The following NR6A1 variants were observed in gnomAD, a reference collection of about 807,000 sequenced individuals.
NR6A1 encodes the protein nuclear receptor subfamily 6 group A member 1, also known as retinoic acid receptor-related testis-associated receptor.
Under a neutral mutation model 59.1 loss-of-function variants are expected in NR6A1, and 7 were observed. The observed-to-expected ratio is 0.12, with a 90% CI of 0.07 to 0.22. The LOEUF is 0.22. Ranked by LOEUF, NR6A1 falls within the 10% of genes least tolerant of loss-of-function variation. The pLI is 1.00. For missense variants in NR6A1, 468 were observed against 611.6 expected, an observed-to-expected ratio of 0.77 and a Z score of 2.48; for synonymous variants, 243 against 236.1, an observed-to-expected ratio of 1.03 and a Z score of -0.27.
chr9:124,551,720 C>T (rs902323322), intron 3 of NR6A1, among the ~76,000 whole-genome samples: 1 of 152,176 alleles, frequency 6.6e-6, no homozygotes, highest in Non-Finnish European at 1.5e-5. Flanking sequence ...TGCCCTTTAA[C>T]CCCCAAAACA....
In NR6A1 at chr9:124,569,773, AT is replaced by A. The variant is rs1348121962; in HGVS notation, c.143-15204del. Among the ~76,000 whole-genome samples, 5 of 152,360 alleles carry A rather than the reference AT, an allele frequency of 3.3e-5. No homozygotes were observed. In the East Asian group the frequency reaches 5.8e-4, roughly 18 times the overall value. ...GAATTTAAACACAAATAATAAAAAA[AT>A]CATCGCACTGTTCCTCTATTTACAT... On this transcript the variant is annotated intron_variant, in intron 2 of 9. Transcript: ENST00000487099.
intron 2 of NR6A1, chr9:124,693,629 C>A: frequency 2.0e-6 from 1 of 491,644 alleles, no homozygotes; most frequent in Non-Finnish European, 4.2e-6. Flanking sequence ...GCCAGACACA[C>A]AGACTTCAAA....
At chr9:124,710,151 C>T (rs1839234117) in intron 2 of NR6A1, among the ~76,000 whole-genome samples, 1 of 151,898 alleles carries the variant, frequency 6.6e-6, no homozygotes, top group Middle Eastern at 3.2e-3. Context: ...AACTGAGGGG[C>T]CAAATGATCA....
rs1227523445 is a variant in NR6A1 at position 124,522,701 on chromosome 9, C to G, written c.*4G>C. ...GTTGGCCTGAGGAGGGCGCCTGGAA[C>G]AGGTCATTCCTTGCCCACACTGGTC... On this transcript the variant is annotated 3_prime_UTR_variant, in exon 10 of 10. Coordinates refer to ENST00000487099, the MANE Select transcript of NR6A1 (RefSeq NM_033334.4). 3 of 1,569,520 alleles carry G rather than the reference C, an allele frequency of 1.9e-6. No homozygotes were observed. Among genetic ancestry groups the G allele is most frequent in the Non-Finnish European group, 2.6e-6 (3 of 1,157,742 alleles).
intron 3 of NR6A1, among the ~76,000 whole-genome samples, chr9:124,544,365 G>A (rs568504566): frequency 6.4e-4 from 97 of 152,242 alleles, no homozygotes; most frequent in Non-Finnish European, 1.0e-3. Context: ...TGTAGTCGAA[G>A]GAACTTACCT....
intron 2 of NR6A1, among the ~76,000 whole-genome samples, chr9:124,559,153 T>G (rs954775108): frequency 3.3e-5 from 5 of 152,178 alleles, no homozygotes; most frequent in African/African-American, 1.2e-4. Context: ...ATATTATTCC[T>G]ATATTACTGA....
intron 2 of NR6A1, among the ~76,000 whole-genome samples, chr9:124,665,128 G>A (rs1000558564): frequency 1.3e-5 from 2 of 150,874 alleles, no homozygotes; most frequent in Admixed American, 6.6e-5. Flanking sequence ...TGAGGCTGCA[G>A]GGAGCCATGT....
At chr9:124,556,446 G>T (rs1736534425) in intron 2 of NR6A1, among the ~76,000 whole-genome samples, 1 of 151,428 alleles carries the variant, frequency 6.6e-6, no homozygotes, top group African/African-American at 2.4e-5. Flanking sequence ...TTTCATTTCA[G>T]CCCAGGGATA....
At chr9:124,704,744 T>C (rs1839072947) in intron 2 of NR6A1, among the ~76,000 whole-genome samples, 1 of 152,090 alleles carries the variant, frequency 6.6e-6, no homozygotes, top group Non-Finnish European at 1.5e-5. Context: ...AAAAAATTTT[T>C]GTGTGTGGGG....
chr9:124,745,423 G>A (rs561417795), intron 1 of NR6A1, among the ~76,000 whole-genome samples: 1 of 152,326 alleles, frequency 6.6e-6, no homozygotes, highest in Non-Finnish European at 1.5e-5. Context: ...TGTAATCCCA[G>A]CACTTTGGGA....
chr9:124,624,183 C>A (rs1836167755), intron 2 of NR6A1, among the ~76,000 whole-genome samples: 1 of 152,184 alleles, frequency 6.6e-6, no homozygotes, highest in South Asian at 2.1e-4. Flanking sequence ...TGGTGACTCA[C>A]AGGGGCAAGA....
intron 3 of NR6A1, among the ~76,000 whole-genome samples, chr9:124,549,733 GC>G (rs1182127274): frequency 2.0e-5 from 3 of 152,104 alleles, no homozygotes; most frequent in Non-Finnish European, 2.9e-5. Context: ...TACAAGAGTT[GC>G]AAAAATAGTA....
At chr9:124,690,190 C>G (rs879918445) in intron 2 of NR6A1, among the ~76,000 whole-genome samples, 1 of 152,182 alleles carries the variant, frequency 6.6e-6, no homozygotes, top group Non-Finnish European at 1.5e-5. Flanking sequence ...GACGATGACT[C>G]CTCTTCTATT....
chr9:124,556,753 G>C (rs926345279), intron 2 of NR6A1, among the ~76,000 whole-genome samples: 8 of 152,060 alleles, frequency 5.3e-5, no homozygotes, highest in Non-Finnish European at 1.2e-4. Flanking sequence ...GAGCCACCAC[G>C]CCCGACCTGA....
chr9:124,574,622 T>C (rs1461971101), intron 2 of NR6A1, among the ~76,000 whole-genome samples: 4 of 152,210 alleles, frequency 2.6e-5, no homozygotes, highest in African/African-American at 7.2e-5. Context: ...CACCAAGAGT[T>C]TGACAACCTT....
In NR6A1 at chr9:124,520,234, C is replaced by T. The variant is rs1165864682; in HGVS notation, c.*2471G>A. 1.3e-5 allele frequency: 2 copies of T among 152,118 alleles called. No homozygotes were observed. Among genetic ancestry groups the T allele is most frequent in the African/African-American group, 2.4e-5 (1 of 41,408 alleles). The allele number at this position is 152,118 out of a possible 1,614,324, so 9.4% of individuals were successfully genotyped here. On this transcript the variant is annotated 3_prime_UTR_variant, in exon 10 of 10. Transcript: ENST00000487099. Reference sequence around the variant, plus strand: ...TTGCAATGCAACACATTCACTTTACCCTGTTTAAAAAAAGCCCACGTCATA... The same window carrying T: ...TTGCAATGCAACACATTCACTTTACTCTGTTTAAAAAAAGCCCACGTCATA...
intron 2 of NR6A1, among the ~76,000 whole-genome samples, chr9:124,556,704 G>A (rs1216580685): frequency 2.0e-5 from 3 of 152,028 alleles, no homozygotes; most frequent in Non-Finnish European, 2.9e-5. Context: ...CAAGTGATCT[G>A]CACACCTTGG....
chr9:124,752,250 C>T (rs1201319840), intron 1 of NR6A1, among the ~76,000 whole-genome samples: 2 of 152,056 alleles, frequency 1.3e-5, no homozygotes, highest in Non-Finnish European at 2.9e-5. Flanking sequence ...GCCTGGGCAA[C>T]AGAGCAAGAC....
chr9:124,680,265 T>G (rs1378209917), intron 2 of NR6A1, among the ~76,000 whole-genome samples: 2 of 152,192 alleles, frequency 1.3e-5, no homozygotes, highest in African/African-American at 4.8e-5. Context: ...TGGCATGCTG[T>G]ATAACTGCTC....
Sources: allele counts gnomAD v4.1 joint callset (sites outside exome capture counted in the v4.1 genomes callset), GRCh38; gene constraint gnomAD v4.1.1; transcripts MANE v1.5; gene names NCBI Gene and HGNC (gene_info 2026-07-23, HGNC 2026-07-21).